PSMA1: variants seen among roughly 807,000 people sequenced by gnomAD.
PSMA1 encodes proteasome subunit alpha type-1.
In PSMA1, 3 loss-of-function variants were observed where a neutral mutation model predicts 38.4. The observed-to-expected ratio is 0.08, with a 90% confidence interval of 0.04 to 0.20. The LOEUF is 0.20. Among genes scored for constraint, PSMA1 ranks in the 10% least tolerant of loss-of-function variants. The pLI, the probability that PSMA1 is intolerant of heterozygous loss-of-function variation, is 1.00. For missense variants in PSMA1, 227 were observed against 325.3 expected (o/e 0.70, Z 2.32); for synonymous variants, 101 against 107.1 (o/e 0.94, Z 0.35).
chr11:14,550,781 T>C (rs996269005), intron 2 of PSMA1, among the ~76,000 whole-genome samples: 2 of 152,122 alleles, frequency 1.3e-5, no homozygotes, highest in Non-Finnish European at 2.9e-5. Context: ...TTATTAATTA[T>C]ATTTTCTTAT....
chr11:14,610,132 C>A (rs997360484), intron 2 of PSMA1, among the ~76,000 whole-genome samples: 3 of 152,210 alleles, frequency 2.0e-5, no homozygotes, highest in African/African-American at 7.2e-5. Flanking sequence ...GGAAGAGCCA[C>A]TTCTGCATAC....
At chr11:14,619,261 C>A (rs1189404453) in intron 1 of PSMA1, among the ~76,000 whole-genome samples, 1 of 152,076 alleles carries the variant, frequency 6.6e-6, no homozygotes, top group Non-Finnish European at 1.5e-5. Flanking sequence ...CCAGCCCGGG[C>A]AACATGGCGA....
At chr11:14,517,113 G>A (rs1851442861) in intron 4 of PSMA1, among the ~76,000 whole-genome samples, 1 of 151,990 alleles carries the variant, frequency 6.6e-6, no homozygotes, top group South Asian at 2.1e-4. Flanking sequence ...GTCTCTTCTA[G>A]ACTCTCACAG....
At chr11:14,602,075 A>G (rs1285877844) in intron 2 of PSMA1, among the ~76,000 whole-genome samples, 1 of 152,228 alleles carries the variant, frequency 6.6e-6, no homozygotes, top group African/African-American at 2.4e-5. Flanking sequence ...GCACACATGC[A>G]TAAGTGGGTC....
At chr11:14,633,923 T>C (rs1056783428) in intron 1 of PSMA1, among the ~76,000 whole-genome samples, 2 of 152,156 alleles carry the variant, frequency 1.3e-5, no homozygotes, top group Non-Finnish European at 2.9e-5. Flanking sequence ...TGTCACCCCT[T>C]TCTTTGACTC....
At chr11:14,518,339 T>C (rs904574721) in intron 2 of PSMA1, among the ~76,000 whole-genome samples, 1 of 152,176 alleles carries the variant, frequency 6.6e-6, no homozygotes, top group Non-Finnish European at 1.5e-5. Context: ...ACTCAAGCAA[T>C]CTACCTTCCT....
intron 4 of PSMA1, among the ~76,000 whole-genome samples, chr11:14,516,195 G>A (rs1304119295): frequency 7.5e-6 from 1 of 134,036 alleles, no homozygotes; most frequent in Non-Finnish European, 1.6e-5. Context: ...GGGCGACAGC[G>A]CGAGACTCCG....
intron 1 of PSMA1, among the ~76,000 whole-genome samples, chr11:14,629,356 G>A (rs915098323): frequency 1.3e-5 from 2 of 152,188 alleles, no homozygotes; most frequent in Admixed American, 6.5e-5. Flanking sequence ...AAGGTGTAAG[G>A]AAGGGATCCA....
intron 1 of PSMA1, among the ~76,000 whole-genome samples, chr11:14,631,693 A>G (rs913173552): frequency 6.6e-6 from 1 of 152,206 alleles, no homozygotes; most frequent in African/African-American, 2.4e-5. Flanking sequence ...CGCTTGGTGC[A>G]GAGATGAGTT....
At chr11:14,533,189 T>C (rs957641588) in intron 2 of PSMA1, among the ~76,000 whole-genome samples, 2 of 152,198 alleles carry the variant, frequency 1.3e-5, no homozygotes, top group African/African-American at 4.8e-5. Context: ...GGTGAGAAAT[T>C]CTACCTTAGT....
chr11:14,534,273 A>G lies in PSMA1; in HGVS notation c.22-15232T>C, dbSNP rs1428262915. Among the ~76,000 whole-genome samples, 1 of 152,212 alleles carries G rather than the reference A, an allele frequency of 6.6e-6. No individual in the cohort carries two copies. ...CCACAAAAAATTTGTATCAAATTAT[A>G]TATGATTCTTTTTAAACCTGCTTTT... is the stretch of plus-strand genomic sequence containing the variant. On this transcript the variant is annotated intron_variant, in intron 2 of 10. Transcript: ENST00000418988. The surrounding 1 kb of genome is among the most constrained non-coding windows in gnomAD (Gnocchi z 4.5).
chr11:14,617,306 ATATT>A (rs1392963224), intron 1 of PSMA1, among the ~76,000 whole-genome samples: 1 of 152,196 alleles, frequency 6.6e-6, no homozygotes, highest in Non-Finnish European at 1.5e-5. Flanking sequence ...TAGCATCCCT[ATATT>A]TATTACTGTT....
At chr11:14,602,720 A>G (rs980037743) in intron 2 of PSMA1, among the ~76,000 whole-genome samples, 12 of 152,170 alleles carry the variant, frequency 7.9e-5, no homozygotes, top group African/African-American at 2.9e-4. Context: ...TCTAAAGTGC[A>G]GGTAAATATA....
chr11:14,597,379 T>A (rs1852510740), intron 2 of PSMA1, among the ~76,000 whole-genome samples: 1 of 152,154 alleles, frequency 6.6e-6, no homozygotes. Flanking sequence ...GGTCCTGGAC[T>A]TTTTTTGGTT....
intron 2 of PSMA1, among the ~76,000 whole-genome samples, chr11:14,527,735 C>T (rs966234519): frequency 2.0e-5 from 3 of 152,160 alleles, no homozygotes; most frequent in Non-Finnish European, 4.4e-5. Context: ...GTCATTTCAT[C>T]CCTTCTGTCA....
intron 1 of PSMA1, among the ~76,000 whole-genome samples, chr11:14,623,138 C>A (rs961859542): frequency 1.3e-5 from 2 of 152,210 alleles, no homozygotes; most frequent in African/African-American, 4.8e-5. Flanking sequence ...CTGAGAAGGA[C>A]AAAGGACATG....
In PSMA1 at chr11:14,533,704, C is replaced by T. The variant is rs149963218; in HGVS notation, c.22-14663G>A. ...AAGTGCTGGGATTACAGGCATGAGC[C>T]ACTGAGCTTGGCCCAGACTTCTAAC... On this transcript the variant is annotated intron_variant, in intron 2 of 10. Coordinates refer to the PSMA1 transcript ENST00000418988. 4.1e-4 allele frequency among the ~76,000 whole-genome samples: 62 copies of T among 151,788 alleles called. 1 individual carries two copies. In the East Asian group the frequency reaches 0.011, roughly 28 times the overall value.
At chr11:14,510,839 T>G (rs886842617) in intron 8 of PSMA1, 33 bp downstream of exon 8, 47 of 1,483,568 alleles carry the variant, frequency 3.2e-5, no homozygotes, top group Non-Finnish European at 4.3e-5. Context: ...AACTGTAACG[T>G]TAATATCTAC....
At chr11:14,588,339 C>T (rs1852373261) in intron 2 of PSMA1, among the ~76,000 whole-genome samples, 1 of 152,200 alleles carries the variant, frequency 6.6e-6, no homozygotes, top group Admixed American at 6.5e-5. Context: ...ATTTACAGCA[C>T]AATTTCAACA....
Sources: gnomAD v4.1 joint callset for allele counts (sites outside exome capture counted in the v4.1 genomes callset) on GRCh38, gnomAD v4.1.1 for gene constraint, Gnocchi (gnomAD v3.1) non-coding constraint, MANE v1.5 for transcripts, NCBI Gene and HGNC (gene_info 2026-07-23, HGNC 2026-07-21) for gene names.